IL20RB: variants seen among roughly 807,000 people sequenced by gnomAD.
IL20RB encodes the protein interleukin 20 receptor subunit beta, also known as interleukin-20 receptor subunit beta.
IL20RB carries 21 observed loss-of-function variants against 33.3 expected under a neutral mutation model. The ratio of observed to expected loss-of-function variants is 0.63; its 90% confidence interval spans 0.45 to 0.91. IL20RB has a LOEUF of 0.91. Ranked by LOEUF, IL20RB falls within the 40% of genes least tolerant of loss-of-function variation. The probability of loss-of-function intolerance (pLI) is 0.00; values close to 1 mark genes in which losing one functional copy is unlikely to be tolerated. For synonymous variants in IL20RB, 147 were observed against 146.8 expected (o/e 1.00, Z -0.01); for missense variants, 345 against 384.8 (o/e 0.90, Z 0.86).
At chr3:136,980,993 C>T (rs1238466916) in intron 2 of IL20RB, among the ~76,000 whole-genome samples, 1 of 152,150 alleles carries the variant, frequency 6.6e-6, no homozygotes, top group Non-Finnish European at 1.5e-5. Context: ...GTCAGCTGGC[C>T]CTGGGGCTGA....
At chr3:136,990,975 T>C (rs1438775559) in intron 4 of IL20RB, among the ~76,000 whole-genome samples, 1 of 152,154 alleles carries the variant, frequency 6.6e-6, no homozygotes, top group East Asian at 1.9e-4. Context: ...TACCCACCTT[T>C]GGTAACTGGC....
Position 136,966,532 on chromosome 3 carries a change from C to T in IL20RB, c.88+8331C>T, listed in dbSNP as rs1343246066. Among the ~76,000 whole-genome samples, 5 of 89,118 alleles carry T rather than the reference C, an allele frequency of 5.6e-5. 1 individual carries two copies. The highest frequency in any genetic ancestry group is 9.2e-5 in the African/African-American group (2 of 21,740). 58.5% of individuals were successfully genotyped at this position (89,118 alleles called of 152,430 possible). On this transcript the variant is annotated intron_variant, in intron 1 of 6. Transcript: ENST00000329582. The stretch of plus-strand genomic sequence containing the variant: ...ATGGTAGTTTGTATTTCTGTGTTAT[C>T]GGTGGTGATATCCCCTTTATCATTT...
intron 4 of IL20RB, 25 bp downstream of exon 4, chr3:136,989,590 G>A (rs1409684698): frequency 1.9e-6 from 3 of 1,612,620 alleles, no homozygotes; most frequent in South Asian, 1.1e-5. Flanking sequence ...TTGGCCTTTG[G>A]GTCAGGCTTC....
intron 6 of IL20RB, among the ~76,000 whole-genome samples, chr3:137,004,386 G>A (rs6799842): frequency 0.023 from 3,518 of 152,166 alleles, 132 homozygotes; most frequent in African/African-American, 0.079. Flanking sequence ...CTGTGAATCC[G>A]TCTGGTCCTG....
At position 136,958,179 on chromosome 3, in the gene IL20RB, A is replaced by G. The variant is rs761448035; in HGVS notation, c.66A>G (p.Ala22=). 1 of 1,608,132 alleles carries G rather than the reference A, an allele frequency of 6.2e-7. No homozygotes were observed. Among genetic ancestry groups the G allele is most frequent in the Non-Finnish European group, 8.5e-7 (1 of 1,174,610 alleles). The stretch of plus-strand genomic sequence containing the variant: ...GTCTTTTCATGTGGTTTTTCTACGC[A>G]TTGATTCCATGTTTGCTCACAGGTA... ...WTSLFMWFFY[A]LIPCLLTDEV... Residue 22 remains alanine (A), a synonymous_variant, in exon 1 of 7, where the codon GCA becomes GCG. Transcript: ENST00000329582.
intron 1 of IL20RB, 189 bp from the exon 2 acceptor site, chr3:136,980,277 A>T: frequency 1.6e-6 from 1 of 607,554 alleles, no homozygotes. Flanking sequence ...TTTCTGGTTT[A>T]TAAACATGTG....
chr3:137,003,837 G>A (rs781012079), intron 6 of IL20RB, among the ~76,000 whole-genome samples: 4 of 151,348 alleles, frequency 2.6e-5, no homozygotes, highest in Admixed American at 1.3e-4. Flanking sequence ...GCATCCTTGT[G>A]CTGGTTTTTA....
At chr3:136,958,804 G>A (rs771835875) in intron 1 of IL20RB, among the ~76,000 whole-genome samples, 29 of 152,090 alleles carry the variant, frequency 1.9e-4, no homozygotes, top group Non-Finnish European at 3.2e-4. Context: ...TTGGAACTCT[G>A]TAGCCTTTGA....
At chr3:136,988,699 T>A (rs1317064226) in intron 3 of IL20RB, among the ~76,000 whole-genome samples, 1 of 148,204 alleles carries the variant, frequency 6.7e-6, no homozygotes, top group Non-Finnish European at 1.5e-5. Context: ...GCCATGATAG[T>A]GCCACTATAC....
chr3:137,009,971 A>G, intron 6 of IL20RB, 142 bp from the exon 7 acceptor site: 1 of 592,410 alleles, frequency 1.7e-6, no homozygotes. Context: ...GAAGCCCCTG[A>G]TCTAGGGCTT....
chr3:137,003,609 T>C (rs1476603136), intron 6 of IL20RB, among the ~76,000 whole-genome samples: 3 of 152,212 alleles, frequency 2.0e-5, no homozygotes, highest in Admixed American at 2.0e-4. Context: ...GTTTTGCACA[T>C]CGATTTTGTA....
intron 6 of IL20RB, among the ~76,000 whole-genome samples, chr3:137,004,301 C>T (rs1942307149): frequency 1.3e-5 from 2 of 152,118 alleles, no homozygotes; most frequent in Admixed American, 6.6e-5. Context: ...GGAGGAATTC[C>T]CTCCTTTTCT....
intron 6 of IL20RB, among the ~76,000 whole-genome samples, chr3:136,997,077 G>C (rs972776708): frequency 2.6e-5 from 4 of 151,804 alleles, no homozygotes; most frequent in African/African-American, 9.7e-5. Context: ...CCGAGTGTGG[G>C]CATATCTGTT....
At chr3:136,988,405 T>C (rs1171633714) in intron 3 of IL20RB, among the ~76,000 whole-genome samples, 2 of 152,148 alleles carry the variant, frequency 1.3e-5, no homozygotes, top group African/African-American at 2.4e-5. Context: ...ATGATGTTTG[T>C]ACTTATGCTG....
chr3:136,987,563 G>A (rs559683699), intron 3 of IL20RB, among the ~76,000 whole-genome samples: 2 of 152,220 alleles, frequency 1.3e-5, no homozygotes, highest in Admixed American at 6.5e-5. Context: ...GTGGAGCTGC[G>A]TGCCAGTCCT....
At chr3:137,006,707 G>A (rs547827963) in intron 6 of IL20RB, among the ~76,000 whole-genome samples, 3 of 152,202 alleles carry the variant, frequency 2.0e-5, no homozygotes, top group African/African-American at 7.2e-5. Flanking sequence ...CTTGTGATGG[G>A]TTCCAACATC....
intron 1 of IL20RB, among the ~76,000 whole-genome samples, chr3:136,973,546 A>T (rs1290159636): frequency 6.6e-6 from 1 of 152,098 alleles, no homozygotes; most frequent in Admixed American, 6.6e-5. Context: ...CAGTTGTTGG[A>T]TATAATGTTC....
chr3:136,996,249 A>G (rs1212871440), intron 6 of IL20RB, among the ~76,000 whole-genome samples: 3 of 152,120 alleles, frequency 2.0e-5, no homozygotes, highest in Non-Finnish European at 2.9e-5. Context: ...CAGGCCTCCA[A>G]CAGCTCCCCC....
intron 1 of IL20RB, among the ~76,000 whole-genome samples, chr3:136,971,054 G>A (rs1376525657): frequency 6.6e-6 from 1 of 152,192 alleles, no homozygotes; most frequent in East Asian, 1.9e-4. Context: ...GTCATCACCT[G>A]AGTACAACAC....
Sources: gnomAD v4.1 joint callset for allele counts (sites outside exome capture counted in the v4.1 genomes callset) on GRCh38, gnomAD v4.1.1 for gene constraint, MANE v1.5 for transcripts, NCBI Gene and HGNC (gene_info 2026-07-23, HGNC 2026-07-21) for gene names.